Variants in CPXM2 observed in about 807,000 individuals in gnomAD.
CPXM2 encodes the protein inactive carboxypeptidase-like protein X2.
CPXM2 carries 66 observed loss-of-function variants against 86.1 expected under a neutral mutation model. The observed-to-expected ratio is 0.77, with a 90% CI of 0.63 to 0.94. The LOEUF (loss-of-function observed/expected upper bound fraction) is 0.94, where lower values mean the gene tolerates loss of function less well. Ranked by LOEUF, CPXM2 falls within the 40% of genes least tolerant of loss-of-function variation. The pLI is 0.00. For missense variants in CPXM2, 948 were observed against 1,026.3 expected (o/e 0.92, Z 1.04); for synonymous variants, 388 against 400.2 (o/e 0.97, Z 0.36).
At chr10:123,767,338 T>A (rs1199760078) in intron 9 of CPXM2, among the ~76,000 whole-genome samples, 186 bp from the exon 10 acceptor site, 4 of 152,190 alleles carry the variant, frequency 2.6e-5, no homozygotes, top group African/African-American at 9.7e-5. Context: ...TGGTGGGTGA[T>A]AGATAGTTCA....
At chr10:123,815,166 T>C (rs1847787939) in intron 4 of CPXM2, among the ~76,000 whole-genome samples, 1 of 152,220 alleles carries the variant, frequency 6.6e-6, no homozygotes, top group African/African-American at 2.4e-5. Flanking sequence ...ATCTGCTTGG[T>C]TGCTCCTAAG....
chr10:123,825,582 G>A (rs775573402), intron 4 of CPXM2, among the ~76,000 whole-genome samples: 10 of 152,236 alleles, frequency 6.6e-5, no homozygotes, highest in African/African-American at 2.4e-4. Context: ...TTGAACTAGC[G>A]TTCACAGCTG....
At chr10:123,878,828 A>G (rs1002124451) in intron 2 of CPXM2, among the ~76,000 whole-genome samples, 1 of 152,144 alleles carries the variant, frequency 6.6e-6, no homozygotes, top group Non-Finnish European at 1.5e-5. Context: ...GCCCTGTGGC[A>G]TTTGTAATCC....
chr10:123,795,949 C>T (rs564456351), intron 6 of CPXM2, among the ~76,000 whole-genome samples: 132 of 152,198 alleles, frequency 8.7e-4, no homozygotes, highest in African/African-American at 3.0e-3. Context: ...AGAAAAGCTG[C>T]GGCCCTACTT....
chr10:123,876,927 C>T (rs1259052360), intron 2 of CPXM2, among the ~76,000 whole-genome samples: 1 of 152,160 alleles, frequency 6.6e-6, no homozygotes, highest in Non-Finnish European at 1.5e-5. Context: ...GTAACTTGTC[C>T]AGAGTCTGGC....
intron 1 of CPXM2, among the ~76,000 whole-genome samples, chr10:123,887,696 C>T (rs866568085): frequency 6.6e-6 from 1 of 151,518 alleles, no homozygotes; most frequent in East Asian, 1.9e-4. Flanking sequence ...TCTGTTGGCA[C>T]GTACACACAA....
intron 13 of CPXM2, chr10:123,751,499 G>A (rs1846076111): frequency 1.5e-5 from 15 of 984,662 alleles, no homozygotes; most frequent in Non-Finnish European, 1.8e-5. Context: ...TCCTATACGT[G>A]GGCAGAAGGG....
At chr10:123,819,716 G>A (rs10902821) in intron 4 of CPXM2, among the ~76,000 whole-genome samples, 37,807 of 152,118 alleles carry the variant, frequency 0.25, 6,164 homozygotes, top group Non-Finnish European at 0.36. Context: ...CTGTAATTAT[G>A]ACCTCATTAT....
intron 6 of CPXM2, among the ~76,000 whole-genome samples, chr10:123,788,327 T>C (rs1275729518): frequency 6.6e-6 from 1 of 151,658 alleles, no homozygotes; most frequent in East Asian, 1.9e-4. Context: ...AATACAGCCT[T>C]TTACCTCCCC....
At chr10:123,837,540 T>C (rs1296078086) in intron 4 of CPXM2, among the ~76,000 whole-genome samples, 1 of 152,208 alleles carries the variant, frequency 6.6e-6, no homozygotes, top group Non-Finnish European at 1.5e-5. Flanking sequence ...AATCATCACA[T>C]TGGTTATAAT....
intron 11 of CPXM2, among the ~76,000 whole-genome samples, chr10:123,760,816 G>A (rs994467001): frequency 6.6e-5 from 10 of 152,208 alleles, no homozygotes; most frequent in East Asian, 3.9e-4. Context: ...CATCATGCCC[G>A]TTTTTACAAA....
At chr10:123,938,829 C>CT (rs1809642825) in intron 2 of CPXM2, among the ~76,000 whole-genome samples, 1 of 151,816 alleles carries the variant, frequency 6.6e-6, no homozygotes, top group African/African-American at 2.4e-5. Flanking sequence ...CAGTGGGAGG[C>CT]AACACTTATC....
At chr10:123,871,292 T>C (rs185432712) in intron 2 of CPXM2, among the ~76,000 whole-genome samples, 111 of 152,342 alleles carry the variant, frequency 7.3e-4, no homozygotes, top group African/African-American at 2.4e-3. Flanking sequence ...AGAGCAGCAA[T>C]GACAAGTTTT....
chr10:123,859,352 C>T (rs1848805943), intron 3 of CPXM2, among the ~76,000 whole-genome samples: 2 of 152,246 alleles, frequency 1.3e-5, no homozygotes, highest in Admixed American at 1.3e-4. Flanking sequence ...AGTGGAATCA[C>T]ACTGCATGTG....
chr10:123,838,004 G>A (rs561107226), intron 4 of CPXM2, among the ~76,000 whole-genome samples: 1 of 152,270 alleles, frequency 6.6e-6, no homozygotes, highest in Admixed American at 6.5e-5. Context: ...GAAGGTATTG[G>A]ACTCTTCCAC....
chr10:123,916,929 C>A (rs1460471854), intron 2 of CPXM2, among the ~76,000 whole-genome samples: 1 of 152,072 alleles, frequency 6.6e-6, no homozygotes, highest in African/African-American at 2.4e-5. Context: ...AGGCACATGC[C>A]ACCACGCCCA....
At chr10:123,928,825 G>C (rs1028747559) in intron 2 of CPXM2, among the ~76,000 whole-genome samples, 2 of 152,222 alleles carry the variant, frequency 1.3e-5, no homozygotes, top group African/African-American at 4.8e-5. Flanking sequence ...ATAGGAATAA[G>C]CCATTCCCAC....
intron 2 of CPXM2, among the ~76,000 whole-genome samples, chr10:123,900,958 A>T (rs1564817969): frequency 6.6e-6 from 1 of 152,222 alleles, no homozygotes; most frequent in East Asian, 1.9e-4. Flanking sequence ...GAGTCAGCCC[A>T]CACTAATTAT....
intron 10 of CPXM2, among the ~76,000 whole-genome samples, chr10:123,766,687 A>G (rs1446049990): frequency 6.6e-6 from 1 of 152,216 alleles, no homozygotes; most frequent in Non-Finnish European, 1.5e-5. Flanking sequence ...TGAGAAAGAT[A>G]ATAAAGGTAG....
Sources: gnomAD v4.1 joint callset for allele counts (sites outside exome capture counted in the v4.1 genomes callset) on GRCh38, gnomAD v4.1.1 for gene constraint, MANE v1.5 for transcripts, NCBI Gene and HGNC (gene_info 2026-07-23, HGNC 2026-07-21) for gene names.